SHISA9: variants seen among roughly 807,000 people sequenced by gnomAD.
The protein encoded by SHISA9 is shisa family member 9.
SHISA9 carries 13 observed loss-of-function variants against 38.0 expected under a neutral mutation model. The observed-to-expected ratio is 0.34, with a 90% confidence interval of 0.22 to 0.54. The LOEUF (loss-of-function observed/expected upper bound fraction) is 0.54. Ranked by LOEUF, SHISA9 falls within the 20% of genes least tolerant of loss-of-function variation. The pLI, the probability that SHISA9 is intolerant of heterozygous loss-of-function variation, is 0.91. For missense variants in SHISA9, 538 were observed against 575.8 expected (o/e 0.93, Z 0.67); for synonymous variants, 275 against 242.0 (o/e 1.14, Z -1.27).
intron 2 of SHISA9, among the ~76,000 whole-genome samples, chr16:13,198,717 T>C (rs953417261): frequency 6.6e-6 from 1 of 152,230 alleles, no homozygotes; most frequent in Non-Finnish European, 1.5e-5. Context: ...CAAATGTCTG[T>C]TTAATAAATT....
chr16:13,469,415 AAG>A, the SHISA9 span, among the ~76,000 whole-genome samples: 4 of 122,520 alleles, frequency 3.3e-5, no homozygotes, highest in Non-Finnish European at 7.2e-5. Context: ...GAAAGAAAGA[AAG>A]AAAGAAAAAG....
the SHISA9 span, among the ~76,000 whole-genome samples, chr16:13,273,067 G>C: frequency 6.6e-6 from 1 of 152,114 alleles, no homozygotes; most frequent in African/African-American, 2.4e-5. Flanking sequence ...TGATTCATCA[G>C]AATTGGTACA....
At chr16:13,197,215 C>T (rs932595766) in intron 2 of SHISA9, among the ~76,000 whole-genome samples, 7 of 151,922 alleles carry the variant, frequency 4.6e-5, no homozygotes, top group Non-Finnish European at 5.9e-5. Context: ...CTGTCTGGAA[C>T]ACGGTGTGTG....
At chr16:13,513,106 C>T in the SHISA9 span, among the ~76,000 whole-genome samples, 2 of 152,054 alleles carry the variant, frequency 1.3e-5, no homozygotes, top group African/African-American at 4.8e-5. Context: ...TGCAATATAC[C>T]CATCTGACAA....
chr16:13,358,354 G>T, the SHISA9 span, among the ~76,000 whole-genome samples: 1 of 152,136 alleles, frequency 6.6e-6, no homozygotes, highest in African/African-American at 2.4e-5. Context: ...ACTTTAAAAA[G>T]TCTCTCTTCT....
chr16:13,005,133 G>T (rs1283522161), intron 2 of SHISA9, among the ~76,000 whole-genome samples: 2 of 152,052 alleles, frequency 1.3e-5, no homozygotes, highest in Non-Finnish European at 2.9e-5. Context: ...AAGGTGACTG[G>T]TGTGTGGAGT....
the SHISA9 span, among the ~76,000 whole-genome samples, chr16:13,404,068 A>T: frequency 1.3e-5 from 2 of 152,208 alleles, no homozygotes; most frequent in African/African-American, 4.8e-5. Flanking sequence ...GGCTCTGCTT[A>T]CCCTAAGCTC....
rs565360333 is a variant in SHISA9, at chr16:13,178,231, G to A, written c.692-25163G>A. 9.2e-5 allele frequency among the ~76,000 whole-genome samples: 14 copies of A among 152,092 alleles called. 1 individual carries two copies. The highest frequency in any genetic ancestry group is 2.1e-4 in the South Asian group (1 of 4,818). On this transcript the variant is annotated intron_variant, in intron 2 of 4. Coordinates refer to ENST00000558583, the MANE Select transcript of SHISA9 (RefSeq NM_001145204.3). ...AGCTACAAGGATGGGTCAGGTGCACGTGTGGAGAGAGAAGTAATCTAGAAT... is the reference window on the plus strand; with the variant it reads ...AGCTACAAGGATGGGTCAGGTGCACATGTGGAGAGAGAAGTAATCTAGAAT...
chr16:13,021,117 C>G (rs3947272), intron 2 of SHISA9, among the ~76,000 whole-genome samples: 31,707 of 152,078 alleles, frequency 0.21, 3,560 homozygotes, highest in East Asian at 0.41. Flanking sequence ...GTCCTGCTGT[C>G]TCCTTGAGTG....
At chr16:13,520,372 G>A in the SHISA9 span, among the ~76,000 whole-genome samples, 1 of 151,948 alleles carries the variant, frequency 6.6e-6, no homozygotes, top group Non-Finnish European at 1.5e-5. Flanking sequence ...GGCCAAGGCG[G>A]GCAGATCACG....
At chr16:13,401,959 A>G in the SHISA9 span, among the ~76,000 whole-genome samples, 1,442 of 152,214 alleles carry the variant, frequency 9.5e-3, 32 homozygotes, top group African/African-American at 0.033. Context: ...GACTCATCCC[A>G]TATCACGAGA....
chr16:13,431,787 C>T, the SHISA9 span, among the ~76,000 whole-genome samples: 3 of 152,146 alleles, frequency 2.0e-5, no homozygotes, highest in Non-Finnish European at 4.4e-5. Flanking sequence ...ATAGGCCGGG[C>T]AAGTGGCTCA....
the SHISA9 span, among the ~76,000 whole-genome samples, chr16:13,343,544 G>C: frequency 2.0e-5 from 3 of 151,926 alleles, no homozygotes; most frequent in South Asian, 6.2e-4. Context: ...AGTGATGCTG[G>C]GATTCTGGCC....
chr16:13,519,478 C>T, the SHISA9 span, among the ~76,000 whole-genome samples: 1 of 152,232 alleles, frequency 6.6e-6, no homozygotes, highest in East Asian at 1.9e-4. Flanking sequence ...AAAATGCCCA[C>T]CACATCTTCA....
chr16:13,017,230 G>C (rs1191380495), intron 2 of SHISA9, among the ~76,000 whole-genome samples: 1 of 152,100 alleles, frequency 6.6e-6, no homozygotes, highest in Non-Finnish European at 1.5e-5. Flanking sequence ...ATGTTGGCCA[G>C]GCTGGTCTCA....
At chr16:12,999,044 A>T (rs949517936) in intron 2 of SHISA9, among the ~76,000 whole-genome samples, 4 of 152,186 alleles carry the variant, frequency 2.6e-5, no homozygotes, top group African/African-American at 9.7e-5. Context: ...CTGTTTAAAG[A>T]CACCTTATTT....
At chr16:12,915,124 G>A (rs2071237517) in intron 1 of SHISA9, among the ~76,000 whole-genome samples, 1 of 152,166 alleles carries the variant, frequency 6.6e-6, no homozygotes, top group Admixed American at 6.5e-5. Flanking sequence ...TTGTGGGTTT[G>A]CACCCTGGAG....
the SHISA9 span, among the ~76,000 whole-genome samples, chr16:13,503,588 T>G: frequency 6.6e-6 from 1 of 152,036 alleles, no homozygotes; most frequent in African/African-American, 2.4e-5. Flanking sequence ...TGCAGATATC[T>G]TAAGGCCCAG....
the SHISA9 span, among the ~76,000 whole-genome samples, chr16:13,447,743 T>A: frequency 0.014 from 2,181 of 152,342 alleles, 22 homozygotes; most frequent in Non-Finnish European, 0.02. Flanking sequence ...GCCAGCTGCA[T>A]ACTGCATACA....
Sources: gnomAD v4.1 joint callset for allele counts (sites outside exome capture counted in the v4.1 genomes callset) on GRCh38, gnomAD v4.1.1 for gene constraint, MANE v1.5 for transcripts, NCBI Gene and HGNC (gene_info 2026-07-23, HGNC 2026-07-21) for gene names.